SASH1: variants seen among roughly 807,000 people sequenced by gnomAD.
SASH1 encodes the protein SAM and SH3 domain containing 1.
In SASH1, 44 loss-of-function variants were observed where a neutral mutation model predicts 125.2. That is an observed-to-expected ratio of 0.35 (90% confidence interval 0.28 to 0.45). The LOEUF is 0.45. Among genes scored for constraint, SASH1 ranks in the 20% least tolerant of loss-of-function variants. SASH1 has a pLI of 1.00. For synonymous variants in SASH1, 639 were observed against 649.1 expected, an observed-to-expected ratio of 0.98 and a Z score of 0.24; for missense variants, 1,426 against 1,614.5, an observed-to-expected ratio of 0.88 and a Z score of 2.00.
the SASH1 span, among the ~76,000 whole-genome samples, chr6:148,214,015 C>T: frequency 1.3e-5 from 2 of 152,108 alleles, no homozygotes; most frequent in Admixed American, 6.5e-5. Flanking sequence ...GAATTGTGTT[C>T]GCCATTAGCC....
In SASH1 at chr6:148,347,703, T is replaced by C. The variant is rs551995521; in HGVS notation, c.156+4480T>C. 2.6e-5 allele frequency among the ~76,000 whole-genome samples: 4 copies of C among 152,300 alleles called. No individual in the cohort carries two copies. The East Asian group carries it at 7.7e-4, about 29-fold the overall frequency. On this transcript the variant is annotated intron_variant, in intron 1 of 19. Coordinates refer to ENST00000367467, the MANE Select transcript of SASH1 (RefSeq NM_015278.5). ...CTTAATTAATTTTACGTCTTGGAAT[T>C]TGAGAGTCAAGCACATTTCAAATAT... is the stretch of plus-strand genomic sequence containing the variant.
chr6:148,243,814 TGGCCA>T, the SASH1 span, among the ~76,000 whole-genome samples: 1 of 152,146 alleles, frequency 6.6e-6, no homozygotes, highest in African/African-American at 2.4e-5. Flanking sequence ...AAATGAGGAA[TGGCCA>T]GTTTTATGTT....
At chr6:148,321,251 C>T (rs893714846) in intron 1 of SASH1, among the ~76,000 whole-genome samples, 5 of 152,064 alleles carry the variant, frequency 3.3e-5, no homozygotes, top group Middle Eastern at 3.4e-3. Flanking sequence ...ATGAGCCTGG[C>T]GTGGTGGCGC....
chr6:148,243,176 C>G, the SASH1 span, among the ~76,000 whole-genome samples: 1 of 151,970 alleles, frequency 6.6e-6, no homozygotes, highest in Admixed American at 6.6e-5. Flanking sequence ...ATTGGCCAGG[C>G]ACGGTGGCTC....
intron 11 of SASH1, among the ~76,000 whole-genome samples, chr6:148,526,136 G>T (rs1346944965): frequency 7.6e-6 from 1 of 131,894 alleles, no homozygotes; most frequent in Non-Finnish European, 1.5e-5. Context: ...TTGCCTCACT[G>T]CAACTTCTGC....
chr6:148,220,788 C>A, the SASH1 span, among the ~76,000 whole-genome samples: 2 of 152,144 alleles, frequency 1.3e-5, no homozygotes, highest in African/African-American at 4.8e-5. Context: ...GTGGCACGCG[C>A]CTGTAGTCCC....
rs914697655 is a variant in SASH1, at chr6:148,520,174, A to G, written c.1209+281A>G. ...GGGCGCACCTCGGTCAGCGAGTTCA[A>G]TATCACCTACGTGGTGGAGCGGAGC... is the stretch of plus-strand genomic sequence containing the variant. On this transcript the variant is annotated intron_variant, in intron 10 of 19. Coordinates refer to ENST00000367467, the MANE Select transcript of SASH1 (RefSeq NM_015278.5). The G allele has an allele frequency of 5.7e-5, 23 of 403,532 alleles. No homozygotes were observed. In the East Asian group the frequency reaches 9.5e-4, roughly 17 times the overall value. 25.0% of individuals were successfully genotyped at this position (403,532 alleles called of 1,614,324 possible).
intron 12 of SASH1, 100 bp downstream of exon 12, chr6:148,527,696 C>T (rs1350800121): frequency 4.3e-6 from 5 of 1,173,598 alleles, no homozygotes; most frequent in Non-Finnish European, 4.9e-6. Flanking sequence ...TACACATACT[C>T]CTTGGCATTA....
chr6:148,387,756 C>T (rs1000452625), intron 1 of SASH1, among the ~76,000 whole-genome samples: 13 of 149,054 alleles, frequency 8.7e-5, no homozygotes, highest in African/African-American at 2.2e-4. Context: ...CTTTCTTTGA[C>T]GGAGTTTCAC....
chr6:148,382,455 A>G (rs1018482942), intron 1 of SASH1, among the ~76,000 whole-genome samples: 5 of 151,892 alleles, frequency 3.3e-5, no homozygotes, highest in Non-Finnish European at 7.4e-5. Context: ...ACGCCTGGCT[A>G]ATTTTTGTAT....
intron 1 of SASH1, among the ~76,000 whole-genome samples, chr6:148,307,058 TTCTTTCTTTCTTTCTTTC>T (rs1411559828): frequency 3.4e-5 from 5 of 146,550 alleles, no homozygotes; most frequent in African/African-American, 1.0e-4. Flanking sequence ...CTTTCTTTCT[TTCTTTCTTTCTTTCTTTC>T]TTTCTTTCTT....
rs367983524 is a variant in SASH1 at position 148,440,339 on chromosome 6, T to G, written c.337-19T>G. 2 of 1,613,616 alleles carry G rather than the reference T, an allele frequency of 1.2e-6. No homozygotes were observed. Among genetic ancestry groups the G allele is most frequent in the Non-Finnish European group, 1.7e-6 (2 of 1,179,624 alleles). Reference sequence around the variant, plus strand: ...CCTGCTGCTCTGACCACACTGACTATACGAATCTTCTCTCGTAGGAGTCGC... The same window carrying G: ...CCTGCTGCTCTGACCACACTGACTAGACGAATCTTCTCTCGTAGGAGTCGC... On this transcript the variant is annotated intron_variant, in intron 3 of 19. Coordinates refer to ENST00000367467, the MANE Select transcript of SASH1 (RefSeq NM_015278.5).
intron 8 of SASH1, among the ~76,000 whole-genome samples, chr6:148,500,437 C>T (rs184487043): frequency 6.6e-6 from 1 of 152,288 alleles, no homozygotes; most frequent in East Asian, 1.9e-4. Flanking sequence ...AGAACATAGC[C>T]ATTCTGCCTT....
chr6:148,470,696 G>A (rs1235834452), intron 5 of SASH1, among the ~76,000 whole-genome samples: 1 of 152,308 alleles, frequency 6.6e-6, no homozygotes, highest in South Asian at 2.1e-4. Flanking sequence ...AGGATCGGGG[G>A]TGCGGTGGGT....
At position 148,550,784 on chromosome 6, in the gene SASH1, C is replaced by T. The variant is rs1288033563; in HGVS notation, c.*2226C>T. Reference sequence around the variant, plus strand: ...TTCTCTTCCTGCTCTCAAAATACCTCGGCTTGACATTTGGACAGATCCTGT... The same window carrying T: ...TTCTCTTCCTGCTCTCAAAATACCTTGGCTTGACATTTGGACAGATCCTGT... On this transcript the variant is annotated 3_prime_UTR_variant, in exon 20 of 20. Coordinates refer to ENST00000367467, the MANE Select transcript of SASH1 (RefSeq NM_015278.5). 6.6e-6 allele frequency: 1 copy of T among 152,200 alleles called. No individual in the cohort carries two copies. Among genetic ancestry groups the T allele is most frequent in the Non-Finnish European group, 1.5e-5 (1 of 68,058 alleles). The allele number at this position is 152,200 out of a possible 1,614,324, so 9.4% of individuals were successfully genotyped here.
chr6:148,269,881 C>T (rs984105179), upstream of SASH1, among the ~76,000 whole-genome samples: 4 of 152,124 alleles, frequency 2.6e-5, no homozygotes, highest in African/African-American at 7.2e-5. Flanking sequence ...TTAATTGTGA[C>T]GATGGTCTTT....
In SASH1 at chr6:148,548,356, C is replaced by G; in HGVS notation, c.3542C>G (p.Ser1181Cys). The G allele has an allele frequency of 6.2e-7, 1 of 1,614,244 alleles. No individual in the cohort carries two copies. Among genetic ancestry groups the G allele is most frequent in the Non-Finnish European group, 8.5e-7 (1 of 1,180,030 alleles). ...CCCGTCTCTCCTGGGTGCATTTCGT[C>G]TGTGTCAGATTGGCTCATTTCCATC... ...RKPVSPGCISSVSDWLISIGL... is the reference protein window; with the variant it reads ...RKPVSPGCISCVSDWLISIGL... The change falls in exon 20 of 20, where the codon TCT becomes TGT. Residue 1181 changes from serine to cysteine, a missense_variant. Physicochemically the swap from Ser to Cys is moderately radical, Grantham distance 112. Coordinates refer to ENST00000367467, the MANE Select transcript of SASH1 (RefSeq NM_015278.5).
chr6:148,289,029 T>C (rs1405987873), intron 1 of SASH1, among the ~76,000 whole-genome samples: 1 of 152,046 alleles, frequency 6.6e-6, no homozygotes, highest in Non-Finnish European at 1.5e-5. Flanking sequence ...AGTTTCACTC[T>C]TGTTGCCCAG....
chr6:148,224,404 G>A, the SASH1 span, among the ~76,000 whole-genome samples: 12 of 151,474 alleles, frequency 7.9e-5, no homozygotes, highest in Admixed American at 2.6e-4. Flanking sequence ...TCTGTTGCCC[G>A]GGCTGGAGTG....
Sources: gnomAD v4.1 joint callset for allele counts (sites outside exome capture counted in the v4.1 genomes callset) on GRCh38, gnomAD v4.1.1 for gene constraint, MANE v1.5 for transcripts, NCBI Gene and HGNC (gene_info 2026-07-23, HGNC 2026-07-21) for gene names.